DPH6: variants seen among roughly 807,000 people sequenced by gnomAD.
DPH6 encodes the protein diphthamine biosynthesis 6.
Under a neutral mutation model 38.2 loss-of-function variants are expected in DPH6, and 33 were observed. That is an observed-to-expected ratio of 0.86 (90% CI 0.65 to 1.15). DPH6 has a LOEUF of 1.15. Ranked by LOEUF, DPH6 falls within the 50% of genes most tolerant of loss-of-function variation. The pLI is 0.00. For missense variants in DPH6, 325 were observed against 320.0 expected (o/e 1.02, Z -0.12); for synonymous variants, 108 against 103.0 (o/e 1.05, Z -0.30).
intron 3 of DPH6, among the ~76,000 whole-genome samples, chr15:35,240,801 T>C (rs375009147): frequency 5.9e-4 from 83 of 140,682 alleles, no homozygotes; most frequent in South Asian, 5.6e-3. Flanking sequence ...AATATACATT[T>C]TATTACCCAA....
chr15:35,326,901 A>G (rs1215844076), downstream of DPH6, among the ~76,000 whole-genome samples: 3 of 152,222 alleles, frequency 2.0e-5, no homozygotes, highest in Non-Finnish European at 4.4e-5. Context: ...CTAAAGAAGT[A>G]AAATATATCC....
At chr15:35,384,251 C>T (rs1203041587) in intron 6 of DPH6, among the ~76,000 whole-genome samples, 1 of 151,488 alleles carries the variant, frequency 6.6e-6, no homozygotes, top group African/African-American at 2.5e-5. Context: ...AAATCATTAA[C>T]AGATTTTTGA....
chr15:35,264,492 C>T (rs2051770831), intron 3 of DPH6, among the ~76,000 whole-genome samples: 1 of 152,004 alleles, frequency 6.6e-6, no homozygotes, highest in Non-Finnish European at 1.5e-5. Flanking sequence ...TTAGACCTCT[C>T]TTCTGAAAAT....
At chr15:35,457,483 A>G (rs761119309) in intron 3 of DPH6, among the ~76,000 whole-genome samples, 1 of 151,702 alleles carries the variant, frequency 6.6e-6, no homozygotes, top group Non-Finnish European at 1.5e-5. Flanking sequence ...ATTTTAGTAG[A>G]GACAAGATTT....
intron 3 of DPH6, among the ~76,000 whole-genome samples, chr15:35,320,347 G>A (rs2052228942): frequency 6.6e-6 from 1 of 151,880 alleles, no homozygotes; most frequent in South Asian, 2.1e-4. Context: ...ATGGGCTCTG[G>A]ACACACTGTC....
chr15:35,219,886 G>A (rs1313884535), exon 4 of DPH6: 5 of 152,068 alleles, frequency 3.3e-5, no homozygotes, highest in African/African-American at 1.2e-4. Context: ...GGGCCAACTG[G>A]GTTTCATAAT....
chr15:35,386,718 T>A (rs1447583168), intron 6 of DPH6, among the ~76,000 whole-genome samples: 1 of 152,194 alleles, frequency 6.6e-6, no homozygotes, highest in Non-Finnish European at 1.5e-5. Context: ...TTTGTTTGGG[T>A]TCATTGTAGA....
the DPH6 span, among the ~76,000 whole-genome samples, chr15:35,194,332 G>A: frequency 2.5e-3 from 382 of 151,948 alleles, 2 homozygotes; most frequent in Middle Eastern, 0.02. Context: ...TATGAATACA[G>A]GGAGACCTGA....
rs554073089 is a variant in DPH6 at position 35,269,091 on chromosome 15, C to A, written n.201-48509G>T. On this transcript the variant is annotated intron_variant and non_coding_transcript_variant, in intron 3 of 3. Transcript: ENST00000560386. ...TCTTCTGCTGCTATTCAGACTTATC[C>A]CCTGATATCCTATAAAAATAGAAAA... is the stretch of plus-strand genomic sequence containing the variant. Among the ~76,000 whole-genome samples the A allele has an allele frequency of 4.1e-4, 63 of 152,212 alleles. 1 individual carries two copies. The South Asian group carries it at 0.012, about 30-fold the overall frequency.
At chr15:35,402,373 T>C (rs1278625774) in intron 6 of DPH6, among the ~76,000 whole-genome samples, 1 of 152,178 alleles carries the variant, frequency 6.6e-6, no homozygotes, top group African/African-American at 2.4e-5. Flanking sequence ...GCACATCCTA[T>C]GCAATATACC....
chr15:35,229,761 G>A (rs904795753), intron 3 of DPH6, among the ~76,000 whole-genome samples: 2 of 152,214 alleles, frequency 1.3e-5, no homozygotes, highest in Admixed American at 6.5e-5. Context: ...GGCACCCAAA[G>A]CTCGGTAAAC....
the DPH6 span, among the ~76,000 whole-genome samples, chr15:35,170,149 T>G: frequency 3.3e-5 from 5 of 152,292 alleles, no homozygotes; most frequent in Admixed American, 3.3e-4. Flanking sequence ...ATGAAGTTGG[T>G]CAAATAAAAA....
Position 35,285,872 on chromosome 15 carries a change from G to GTTTTTTTTTTTTTTT in DPH6, n.201-65305_201-65291dup, listed in dbSNP as rs67243158. Among the ~76,000 whole-genome samples, 477 of 52,784 alleles carry GTTTTTTTTTTTTTTT rather than the reference G, an allele frequency of 9.0e-3. 116 individuals carry two copies. Among genetic ancestry groups the GTTTTTTTTTTTTTTT allele is most frequent in the African/African-American group, 0.021 (287 of 13,400 alleles). The allele number at this position is 52,784 out of a possible 152,430, so 34.6% of individuals were successfully genotyped here. Reference sequence around the variant, plus strand: ...GACTCAATTATCATTTTATCTTTGAGTTTTTTTTTTTTTTTTTACCTGAGA... The same window carrying GTTTTTTTTTTTTTTT: ...GACTCAATTATCATTTTATCTTTGAGTTTTTTTTTTTTTTTTTTTTTTTTTTTTTTTTACCTGAGA... On this transcript the variant is annotated intron_variant and non_coding_transcript_variant, in intron 3 of 3. Transcript: ENST00000560386.
chr15:35,250,813 G>A (rs1228445295), intron 3 of DPH6, among the ~76,000 whole-genome samples: 1 of 152,088 alleles, frequency 6.6e-6, no homozygotes, highest in Non-Finnish European at 1.5e-5. Context: ...CACGTATAAA[G>A]CTTTGTGAGT....
At chr15:35,515,009 C>A (rs769767897) in intron 3 of DPH6, among the ~76,000 whole-genome samples, 13 of 152,036 alleles carry the variant, frequency 8.6e-5, no homozygotes, top group Admixed American at 2.0e-4. Context: ...ATAGCAGTAA[C>A]TTCCTGCCCT....
downstream of DPH6, among the ~76,000 whole-genome samples, chr15:35,369,582 G>T (rs2140917475): frequency 6.9e-6 from 1 of 144,368 alleles, no homozygotes; most frequent in East Asian, 2.0e-4. Context: ...AACTAACTCT[G>T]AATTCACACC....
chr15:35,505,511 T>G (rs896183537), intron 3 of DPH6, among the ~76,000 whole-genome samples: 2 of 152,094 alleles, frequency 1.3e-5, no homozygotes, highest in Non-Finnish European at 2.9e-5. Context: ...ATTGAAAGTT[T>G]TTTTTCTAAT....
In DPH6 at chr15:35,358,997, A is replaced by G. The variant is rs553948824; in HGVS notation, n.207+14524T>C. 2.6e-5 allele frequency among the ~76,000 whole-genome samples: 4 copies of G among 152,174 alleles called. No homozygotes were observed. In the South Asian group the frequency reaches 8.3e-4, roughly 32 times the overall value. On this transcript the variant is annotated intron_variant and non_coding_transcript_variant, in intron 3 of 3. Coordinates refer to the DPH6 transcript ENST00000558973. ...CTACCAGGTTGGGTAGGGAAGGACC[A>G]TTAGGTGAGGGTGGGGCTAGGTGTG...
At chr15:35,312,031 A>C (rs2052147340) in intron 3 of DPH6, among the ~76,000 whole-genome samples, 1 of 123,488 alleles carries the variant, frequency 8.1e-6, no homozygotes. Context: ...AAAAAAAAAA[A>C]ATAGAACAGG....
Sources: gnomAD v4.1 joint callset for allele counts (sites outside exome capture counted in the v4.1 genomes callset) on GRCh38, gnomAD v4.1.1 for gene constraint, MANE v1.5 for transcripts, NCBI Gene and HGNC (gene_info 2026-07-23, HGNC 2026-07-21) for gene names.